Variants in PRDM10 observed in about 807,000 individuals in gnomAD.
PRDM10 encodes PR/SET domain 10, also known as PR domain zinc finger protein 10.
A neutral mutation model predicts 133.1 loss-of-function variants in PRDM10; 65 were observed. The ratio of observed to expected loss-of-function variants is 0.49; its 90% CI spans 0.40 to 0.60. The LOEUF (loss-of-function observed/expected upper bound fraction) is 0.60, where lower values mean the gene tolerates loss of function less well. Ranked by LOEUF, PRDM10 falls within the 20% of genes least tolerant of loss-of-function variation. The pLI is 0.00. For missense variants in PRDM10, 1,137 were observed against 1,507.1 expected (o/e 0.75, Z 4.07); for synonymous variants, 582 against 580.4 (o/e 1.00, Z -0.04).
chr11:129,980,727 C>T (rs1043593810), intron 1 of PRDM10, among the ~76,000 whole-genome samples: 7 of 152,074 alleles, frequency 4.6e-5, no homozygotes, highest in Non-Finnish European at 7.4e-5. Context: ...AGAAGCCAGT[C>T]ATAAAAGACC....
At chr11:129,926,976 C>T (rs908915249) in intron 11 of PRDM10, among the ~76,000 whole-genome samples, 6 of 152,184 alleles carry the variant, frequency 3.9e-5, no homozygotes, top group South Asian at 2.1e-4. Context: ...GAGGCTGAGG[C>T]GGACAGATCA....
intron 4 of PRDM10, among the ~76,000 whole-genome samples, chr11:129,948,612 C>T (rs1951496087): frequency 6.6e-6 from 1 of 152,186 alleles, no homozygotes; most frequent in African/African-American, 2.4e-5. Flanking sequence ...CTGTGGAGCC[C>T]AGATCTTCCA....
Position 129,931,056 on chromosome 11 carries a change from G to A in PRDM10, c.1490C>T (p.Thr497Met), listed in dbSNP as rs564662147. Residue 497 changes from threonine (T) to methionine (M), a missense_variant, in exon 11 of 21, where the codon ACG (threonine) becomes ATG (methionine). Around this residue, in one of 6 missense-constraint regions of PRDM10, gnomAD observed 635 missense variants for 835.2 expected, o/e 0.76. Coordinates refer to ENST00000360871, the MANE Select transcript of PRDM10 (RefSeq NM_199437.2). ...TCTGCGCATGTCGTCGGCTGTCAGCGTGCTCTGGGTGGGCACCACGCTCTC... is the reference window on the plus strand; with the variant it reads ...TCTGCGCATGTCGTCGGCTGTCAGCATGCTCTGGGTGGGCACCACGCTCTC... Reference protein sequence around the residue: ...HEESVVPTQSTLTADDMRRAK... With the variant: ...HEESVVPTQSMLTADDMRRAK... The A allele has an allele frequency of 4.8e-5, 78 of 1,614,104 alleles. No homozygotes were observed. In the South Asian group the frequency reaches 5.7e-4, roughly 12 times the overall value.
chr11:129,929,345 CA>C, intron 11 of PRDM10: 1 of 1,497,428 alleles, frequency 6.7e-7, no homozygotes, highest in Non-Finnish European at 9.0e-7. Flanking sequence ...GTACAGGTTG[CA>C]AAGAACAGCA....
chr11:129,946,966 A>G (rs2135883428), intron 5 of PRDM10, among the ~76,000 whole-genome samples, 179 bp downstream of exon 5: 1 of 152,198 alleles, frequency 6.6e-6, no homozygotes. Flanking sequence ...AACGAAGGAG[A>G]GTGTCCCTCA....
At position 129,902,328 on chromosome 11, in the gene PRDM10, A is replaced by G. The variant is rs780039034; in HGVS notation, c.3456T>C (p.His1152=). The G allele has an allele frequency of 3.7e-6, 6 of 1,613,884 alleles. No homozygotes were observed. The African/African-American group carries it at 6.7e-5, about 18-fold the overall frequency. Reference sequence around the variant, plus strand: ...AGGGTGGAAGTCATGGTTTGGTGATATGCACTTCGCTGCTTCCGTTCCCGT... The same window carrying G: ...AGGGTGGAAGTCATGGTTTGGTGATGTGCACTTCGCTGCTTCCGTTCCCGT... ...TTNGNGSSEV[H]ITKP The change falls in exon 21 of 21, where the codon CAT becomes CAC. Residue 1152 remains histidine (H), a synonymous_variant. Coordinates refer to ENST00000360871, the MANE Select transcript of PRDM10 (RefSeq NM_199437.2).
chr11:129,935,094 T>A lies in PRDM10; in HGVS notation c.1157+7A>T, dbSNP rs749904029. 2 of 1,604,836 alleles carry A rather than the reference T, an allele frequency of 1.2e-6. No homozygotes were observed. The highest frequency in any genetic ancestry group is 1.1e-5 in the South Asian group (1 of 90,888). ...TCAGTCTGTGAGCATTTCTCCCTCATACATACCTGCTAAACACATCTAGTT... is the reference window on the plus strand; with the variant it reads ...TCAGTCTGTGAGCATTTCTCCCTCAAACATACCTGCTAAACACATCTAGTT... On this transcript the variant is annotated splice_region_variant and intron_variant, in intron 9 of 20. Transcript: ENST00000360871.
intron 13 of PRDM10, among the ~76,000 whole-genome samples, chr11:129,920,041 A>G (rs1170054824): frequency 6.6e-6 from 1 of 152,164 alleles, no homozygotes; most frequent in East Asian, 1.9e-4. Flanking sequence ...GTGTGGATAC[A>G]ATGGCAAAGC....
rs77796104 is a variant in PRDM10, at chr11:129,927,630, C to T, written c.1531-2401G>A. 1.6e-3 allele frequency among the ~76,000 whole-genome samples: 251 copies of T among 152,264 alleles called. 3 individuals carry two copies. Among genetic ancestry groups the T allele is most frequent in the Non-Finnish European group, 3.0e-3 (207 of 68,008 alleles). On this transcript the variant is annotated intron_variant, in intron 11 of 20. Transcript: ENST00000360871. Reference sequence around the variant, plus strand: ...CCACTTGATTTAAACTGAGCCACCACCTGGCTCCACTTTCTTGGCTCTATT... The same window carrying T: ...CCACTTGATTTAAACTGAGCCACCATCTGGCTCCACTTTCTTGGCTCTATT...
chr11:129,923,480 A>G lies in PRDM10; in HGVS notation c.1879-77T>C. 5 of 1,458,750 alleles carry G rather than the reference A, an allele frequency of 3.4e-6. No homozygotes were observed. The highest frequency in any genetic ancestry group is 4.6e-6 in the Non-Finnish European group (5 of 1,094,868). 90.4% of individuals were successfully genotyped at this position (1,458,750 alleles called of 1,614,324 possible). A position where few individuals can be genotyped will look rare whatever the true frequency, so the allele number is the denominator to read the frequency against. ...TGACCAAAGGCAGCTTGTCAACGCT[A>G]GAGGGAGCCAAACGCATTACCATGG... On this transcript the variant is annotated intron_variant, in intron 12 of 20. Coordinates refer to ENST00000360871, the MANE Select transcript of PRDM10 (RefSeq NM_199437.2). This position sits in a 1 kb window ranked among gnomAD's most constrained non-coding sequence, Gnocchi z 4.4.
rs150938371 is a variant in PRDM10, at chr11:129,915,708, G to A, written c.2478C>T (p.Ala826=). The part of the protein sequence containing the change: ...STHTQLTGTI[A]TPPVCCPHCS... ...AGTGGGGACAGCAGACGGGAGGGGT[G>A]GCGATGGTGCCCGTCAGCTGGGTGT... The change falls in exon 16 of 21, where the codon GCC becomes GCT. Residue 826 remains alanine, a synonymous_variant. Coordinates refer to ENST00000360871, the MANE Select transcript of PRDM10 (RefSeq NM_199437.2). 2.4e-4 allele frequency: 384 copies of A among 1,613,936 alleles called. 1 individual carries two copies. In the African/African-American group the frequency reaches 2.5e-3, roughly 11 times the overall value.
intron 7 of PRDM10, among the ~76,000 whole-genome samples, chr11:129,939,642 C>T (rs1426123680): frequency 6.6e-6 from 1 of 152,228 alleles, no homozygotes; most frequent in Non-Finnish European, 1.5e-5. Context: ...TGTAAGCCCA[C>T]TGACACCCCA....
At position 129,947,151 on chromosome 11, in the gene PRDM10, C is replaced by CGTGTGGGTCGAAGGGCCGGGGCGG; in HGVS notation, c.490_513dup (p.Pro164_His171dup). The CGTGTGGGTCGAAGGGCCGGGGCGG allele has an allele frequency of 6.2e-7, 1 of 1,614,018 alleles. No homozygotes were observed. Among genetic ancestry groups the CGTGTGGGTCGAAGGGCCGGGGCGG allele is most frequent in the Non-Finnish European group, 8.5e-7 (1 of 1,179,962 alleles). On this transcript the variant is annotated inframe_insertion, in exon 5 of 21. Transcript: ENST00000360871. The surrounding 1 kb of genome is among the most constrained non-coding windows in gnomAD (Gnocchi z 4.6). ...GACCCGTGCCCACACTTACACAAGT[C>CGTGTGGGTCGAAGGGCCGGGGCGG]GTGTGGGTCGAAGGGCCGGGGCGGG...
At chr11:129,946,546 C>A (rs1591646659) in intron 5 of PRDM10, among the ~76,000 whole-genome samples, 1 of 152,062 alleles carries the variant, frequency 6.6e-6, no homozygotes, top group Non-Finnish European at 1.5e-5. Flanking sequence ...GGAATGTGAA[C>A]CCCCAGCAAG....
intron 1 of PRDM10, among the ~76,000 whole-genome samples, chr11:129,967,897 C>T (rs919910612): frequency 1.3e-5 from 2 of 152,094 alleles, no homozygotes; most frequent in Non-Finnish European, 2.9e-5. Context: ...TCCCATCATG[C>T]CCTTCACCCC....
At chr11:129,930,792 AC>A (rs1158434948) in intron 11 of PRDM10, among the ~76,000 whole-genome samples, 2 of 152,216 alleles carry the variant, frequency 1.3e-5, no homozygotes, top group Non-Finnish European at 2.9e-5. Context: ...CTGTGTCGTC[AC>A]TAAATTGGTC....
chr11:129,914,638 C>T, intron 17 of PRDM10, 66 bp downstream of exon 17: 1 of 1,590,412 alleles, frequency 6.3e-7, no homozygotes, highest in Non-Finnish European at 8.6e-7. Context: ...AGCCCCAGCT[C>T]TGAGAATGAG....
At chr11:129,998,438 C>T (rs559142933) in intron 1 of PRDM10, among the ~76,000 whole-genome samples, 6 of 151,984 alleles carry the variant, frequency 3.9e-5, no homozygotes, top group South Asian at 2.1e-4. Context: ...TTGCAATAAA[C>T]GAGAGTTTAA....
chr11:129,998,891 C>T (rs951398023), intron 1 of PRDM10, among the ~76,000 whole-genome samples: 2 of 149,216 alleles, frequency 1.3e-5, no homozygotes, highest in African/African-American at 5.0e-5. Flanking sequence ...GGCGTGATCT[C>T]GGCTCACTGC....
Sources: gnomAD v4.1 joint callset for allele counts (sites outside exome capture counted in the v4.1 genomes callset) on GRCh38, gnomAD v4.1.1 for gene constraint, gnomAD v4.1.1 regional missense constraint, Gnocchi (gnomAD v3.1) non-coding constraint, MANE v1.5 for transcripts, NCBI Gene and HGNC (gene_info 2026-07-23, HGNC 2026-07-21) for gene names.